PTPRT: variants seen among roughly 807,000 people sequenced by gnomAD.
The protein encoded by PTPRT is receptor-type tyrosine-protein phosphatase T.
In PTPRT, 56 loss-of-function variants were observed where a neutral mutation model predicts 176.8. The observed-to-expected ratio is 0.32, with a 90% CI of 0.26 to 0.40. The LOEUF is 0.40. PTPRT is among the 10% of genes least tolerant of loss of function. The pLI, the probability that PTPRT is intolerant of heterozygous loss-of-function variation, is 1.00. For missense variants in PTPRT, 1,540 were observed against 1,908.2 expected, an observed-to-expected ratio of 0.81 and a Z score of 3.60; for synonymous variants, 783 against 739.0, an observed-to-expected ratio of 1.06 and a Z score of -0.96.
At chr20:42,578,424 T>C (rs2073303750) in intron 7 of PTPRT, among the ~76,000 whole-genome samples, 2 of 152,152 alleles carry the variant, frequency 1.3e-5, no homozygotes, top group South Asian at 4.2e-4. Context: ...GAAGGCCTGT[T>C]TAACTCCAAA....
intron 18 of PTPRT, among the ~76,000 whole-genome samples, chr20:42,130,843 T>C (rs530425793): frequency 6.6e-6 from 1 of 152,164 alleles, no homozygotes; most frequent in East Asian, 1.9e-4. Context: ...GGGAGGAGTT[T>C]GAAGTTAACC....
At chr20:42,896,845 G>A (rs774493561) in intron 1 of PTPRT, among the ~76,000 whole-genome samples, 4 of 152,098 alleles carry the variant, frequency 2.6e-5, no homozygotes, top group Non-Finnish European at 5.9e-5. Context: ...TTTGAAGGCA[G>A]GGTAATATCT....
At chr20:42,632,784 T>A (rs750066050) in intron 7 of PTPRT, among the ~76,000 whole-genome samples, 1 of 151,878 alleles carries the variant, frequency 6.6e-6, no homozygotes, top group Non-Finnish European at 1.5e-5. Flanking sequence ...TTATAAATCA[T>A]CAAGCCTAAG....
intron 13 of PTPRT, among the ~76,000 whole-genome samples, chr20:42,276,553 A>ATG (rs2057041418): frequency 1.3e-5 from 1 of 77,390 alleles, no homozygotes; most frequent in African/African-American, 5.0e-5. Context: ...ATATATATAT[A>ATG]TATATAATGT....
At chr20:43,087,959 T>G (rs1174804929) in intron 1 of PTPRT, among the ~76,000 whole-genome samples, 2 of 152,150 alleles carry the variant, frequency 1.3e-5, no homozygotes, top group African/African-American at 4.8e-5. Flanking sequence ...GAGGAGTAAG[T>G]TCTACTCCAT....
At chr20:42,691,009 T>C (rs533597965) in intron 6 of PTPRT, among the ~76,000 whole-genome samples, 1 of 151,768 alleles carries the variant, frequency 6.6e-6, no homozygotes, top group Non-Finnish European at 1.5e-5. Flanking sequence ...TCTCCTGTAA[T>C]GGGCCATTCA....
At chr20:43,096,576 G>A (rs538238103) in intron 1 of PTPRT, among the ~76,000 whole-genome samples, 51 of 152,296 alleles carry the variant, frequency 3.3e-4, no homozygotes, top group African/African-American at 1.2e-3. Context: ...CCCCAGCTCA[G>A]CAGGCTCCCG....
intron 12 of PTPRT, among the ~76,000 whole-genome samples, chr20:42,287,357 A>G (rs2057247683): frequency 6.6e-6 from 1 of 152,016 alleles, no homozygotes; most frequent in South Asian, 2.1e-4. Flanking sequence ...AGATGAATAA[A>G]GAAAATGTGG....
chr20:42,922,367 A>T (rs1217788615), intron 1 of PTPRT, among the ~76,000 whole-genome samples: 1 of 152,166 alleles, frequency 6.6e-6, no homozygotes, highest in Non-Finnish European at 1.5e-5. Flanking sequence ...ATCTAAGCCC[A>T]CAACTTGAAA....
At chr20:42,402,919 C>T (rs2058923465) in intron 9 of PTPRT, among the ~76,000 whole-genome samples, 1 of 152,040 alleles carries the variant, frequency 6.6e-6, no homozygotes, top group East Asian at 1.9e-4. Flanking sequence ...ACCACTATAA[C>T]ATCTGATTCT....
chr20:43,155,650 C>G (rs2014496454), intron 1 of PTPRT, among the ~76,000 whole-genome samples: 1 of 152,066 alleles, frequency 6.6e-6, no homozygotes, highest in Non-Finnish European at 1.5e-5. Context: ...AAATTGTATT[C>G]TTGAAAAATG....
chr20:42,780,757 A>G lies in PTPRT; in HGVS notation c.487-458T>C, dbSNP rs561223718. Reference sequence around the variant, plus strand: ...ACCATGAGTTGATTCTACATTGCCAAGGAACATATTACATTTGAATCTATA... The same window carrying G: ...ACCATGAGTTGATTCTACATTGCCAGGGAACATATTACATTTGAATCTATA... On this transcript the variant is annotated intron_variant, in intron 3 of 30. Transcript: ENST00000373187. 2.6e-5 allele frequency among the ~76,000 whole-genome samples: 4 copies of G among 152,344 alleles called. No homozygotes were observed. The East Asian group carries it at 7.7e-4, about 29-fold the overall frequency.
chr20:42,911,680 A>G (rs1978389118), intron 1 of PTPRT, among the ~76,000 whole-genome samples: 1 of 152,168 alleles, frequency 6.6e-6, no homozygotes, highest in South Asian at 2.1e-4. Flanking sequence ...ATTTTTCTCC[A>G]AATAATTTGA....
chr20:42,554,734 A>G (rs2072830546), intron 7 of PTPRT, among the ~76,000 whole-genome samples: 1 of 152,172 alleles, frequency 6.6e-6, no homozygotes, highest in Non-Finnish European at 1.5e-5. Context: ...TTTAGTTTCA[A>G]TTGGATGCTT....
rs564619302 is a variant in PTPRT at position 43,004,270 on chromosome 20, C to T, written c.89-118338G>A. On this transcript the variant is annotated intron_variant, in intron 1 of 30. Transcript: ENST00000373187. ...CTACTAAAACTTACAAATAAAAAGA[C>T]AATGGATGAAGGATATTAATCACTT... 2.3e-3 allele frequency among the ~76,000 whole-genome samples: 342 copies of T among 150,656 alleles called. 1 individual carries two copies. Among genetic ancestry groups the T allele is most frequent in the Non-Finnish European group, 3.6e-3 (244 of 67,758 alleles).
At chr20:43,093,979 C>A (rs552971623) in intron 1 of PTPRT, among the ~76,000 whole-genome samples, 2 of 152,170 alleles carry the variant, frequency 1.3e-5, no homozygotes, top group Non-Finnish European at 2.9e-5. Flanking sequence ...TCCCCAAAGG[C>A]CACCATTAAA....
intron 1 of PTPRT, among the ~76,000 whole-genome samples, chr20:42,985,715 G>T (rs1983534835): frequency 6.6e-6 from 1 of 152,134 alleles, no homozygotes. Flanking sequence ...GTAGATCAGA[G>T]GTAAAGGGGA....
intron 9 of PTPRT, among the ~76,000 whole-genome samples, chr20:42,419,040 C>A (rs1246719913): frequency 2.6e-5 from 4 of 152,166 alleles, no homozygotes; most frequent in Non-Finnish European, 1.5e-5. Context: ...AAACACTGAA[C>A]AAATGAACTA....
In PTPRT at chr20:42,315,755, T is replaced by C; in HGVS notation, c.2107A>G (p.Ile703Val). 2.5e-6 allele frequency: 4 copies of C among 1,614,164 alleles called. No homozygotes were observed. Among genetic ancestry groups the C allele is most frequent in the Non-Finnish European group, 1.7e-6 (2 of 1,180,016 alleles). Residue 703 changes from isoleucine to valine, a missense_variant, in exon 12 of 31, where the codon ATC becomes GTC. This residue lies in a region of PTPRT where 255 missense variants were observed against 250.1 expected (regional missense o/e 1.02). Coordinates refer to ENST00000373187, the MANE Select transcript of PTPRT (RefSeq NM_007050.6). ...GCTTTGCTGAGTGCCTGGAAGTAGA[T>C]GCTGTAGCTTTTCAGGGGAGAGAGA... ...PPLSPLKSYS[I>V]YFQALSKANG...
Sources: allele counts gnomAD v4.1 joint callset (sites outside exome capture counted in the v4.1 genomes callset), GRCh38; gene constraint gnomAD v4.1.1; regional missense constraint gnomAD v4.1.1; transcripts MANE v1.5; gene names NCBI Gene and HGNC (gene_info 2026-07-23, HGNC 2026-07-21).